The following AKT3 variants were observed in gnomAD, a reference collection of about 807,000 sequenced individuals.
AKT3 encodes RAC-gamma serine/threonine-protein kinase.
In AKT3, 15 loss-of-function variants were observed where a neutral mutation model predicts 65.3. The ratio of observed to expected loss-of-function variants is 0.23; its 90% CI spans 0.15 to 0.35. The LOEUF is 0.35. Among genes scored for constraint, AKT3 ranks in the 10% least tolerant of loss-of-function variants. The pLI is 1.00. For missense variants in AKT3, 243 were observed against 576.5 expected, an observed-to-expected ratio of 0.42 and a Z score of 5.92; for synonymous variants, 206 against 183.8, an observed-to-expected ratio of 1.12 and a Z score of -0.98.
chr1:243,622,800 G>T (rs1678861244), intron 6 of AKT3, among the ~76,000 whole-genome samples: 1 of 152,188 alleles, frequency 6.6e-6, no homozygotes, highest in South Asian at 2.1e-4. Context: ...TAATACAGAG[G>T]TTCAAAAGAA....
intron 11 of AKT3, among the ~76,000 whole-genome samples, chr1:243,546,154 C>G (rs552129758): frequency 6.6e-6 from 1 of 152,188 alleles, no homozygotes; most frequent in Non-Finnish European, 1.5e-5. Context: ...GATTCCCCTG[C>G]ACATGCCCTT....
intron 9 of AKT3, 49 bp downstream of exon 9, chr1:243,572,877 C>G (rs1674666495): frequency 6.5e-7 from 1 of 1,546,524 alleles, no homozygotes; most frequent in African/African-American, 1.4e-5. Context: ...ATGTTTGTCC[C>G]TATAGTCTCT....
intron 8 of AKT3, among the ~76,000 whole-genome samples, chr1:243,595,537 T>C (rs1320838873): frequency 6.6e-6 from 1 of 152,246 alleles, no homozygotes; most frequent in Non-Finnish European, 1.5e-5. Flanking sequence ...TATAACAGTT[T>C]AAAATATGAA....
chr1:243,565,563 T>C (rs751305419), intron 9 of AKT3, among the ~76,000 whole-genome samples: 19 of 152,154 alleles, frequency 1.2e-4, no homozygotes, highest in Non-Finnish European at 1.9e-4. Flanking sequence ...TCAGTTATCT[T>C]GTATATTCCT....
intron 2 of AKT3, among the ~76,000 whole-genome samples, chr1:243,821,983 T>C (rs1416190781): frequency 6.6e-6 from 1 of 152,212 alleles, no homozygotes; most frequent in Non-Finnish European, 1.5e-5. Context: ...TATACATTCT[T>C]CTTGGTGCCA....
At chr1:243,596,277 C>T (rs1024032304) in intron 8 of AKT3, among the ~76,000 whole-genome samples, 6 of 152,082 alleles carry the variant, frequency 3.9e-5, no homozygotes, top group African/African-American at 1.2e-4. Flanking sequence ...ACGTCTGTTC[C>T]TCAAAAGACA....
At chr1:243,660,289 T>G (rs1354951235) in intron 4 of AKT3, among the ~76,000 whole-genome samples, 2 of 152,216 alleles carry the variant, frequency 1.3e-5, no homozygotes, top group Admixed American at 6.5e-5. Context: ...TAGTATTCTC[T>G]GAGGGTAGTT....
downstream of AKT3, among the ~76,000 whole-genome samples, chr1:243,494,925 G>A (rs1485443280): frequency 6.6e-6 from 1 of 152,206 alleles, no homozygotes; most frequent in African/African-American, 2.4e-5. Context: ...TGTCAGTGTT[G>A]TCTTTATTTT....
At chr1:243,807,847 C>G (rs962261174) in intron 2 of AKT3, among the ~76,000 whole-genome samples, 2 of 152,156 alleles carry the variant, frequency 1.3e-5, no homozygotes, top group Non-Finnish European at 2.9e-5. Flanking sequence ...TCCAGAGGAA[C>G]AATCAGGCAG....
intron 8 of AKT3, among the ~76,000 whole-genome samples, chr1:243,603,988 C>G (rs1440989618): frequency 1.3e-5 from 2 of 151,666 alleles, no homozygotes; most frequent in East Asian, 3.9e-4. Context: ...CTCCACCTCC[C>G]AGGTTCAAGC....
intron 8 of AKT3, among the ~76,000 whole-genome samples, chr1:243,609,477 G>A (rs1677703706): frequency 6.6e-6 from 1 of 151,948 alleles, no homozygotes; most frequent in African/African-American, 2.4e-5. Context: ...GGCCAACATG[G>A]CCAAACCCCG....
chr1:243,655,331 ATT>A (rs899562304), intron 4 of AKT3, among the ~76,000 whole-genome samples: 1 of 152,072 alleles, frequency 6.6e-6, no homozygotes, highest in African/African-American at 2.4e-5. Flanking sequence ...GCTATTATCC[ATT>A]TGTTTCTTTT....
At chr1:243,606,755 T>G (rs1322485015) in intron 8 of AKT3, among the ~76,000 whole-genome samples, 1 of 152,106 alleles carries the variant, frequency 6.6e-6, no homozygotes. Flanking sequence ...CAGCAGCCCC[T>G]CCCATCATAG....
At chr1:243,597,160 G>T (rs1278249654) in intron 8 of AKT3, among the ~76,000 whole-genome samples, 1 of 152,020 alleles carries the variant, frequency 6.6e-6, no homozygotes, top group Non-Finnish European at 1.5e-5. Context: ...ATATATGTTT[G>T]TCAGAAGTCA....
At chr1:243,810,457 TC>T (rs199783368) in intron 2 of AKT3, among the ~76,000 whole-genome samples, 3,313 of 151,682 alleles carry the variant, frequency 0.022, 114 homozygotes, top group African/African-American at 0.076. Flanking sequence ...ACACATACAC[TC>T]CCCCAAGACT....
At chr1:243,519,359 T>A (rs1670569260) in intron 12 of AKT3, among the ~76,000 whole-genome samples, 2 of 152,326 alleles carry the variant, frequency 1.3e-5, no homozygotes, top group Admixed American at 1.3e-4. Flanking sequence ...ATAAAGATCC[T>A]GAAGCATTTC....
chr1:243,526,814 A>AAAAAAAT (rs1671134076), intron 12 of AKT3, among the ~76,000 whole-genome samples: 1 of 144,938 alleles, frequency 6.9e-6, no homozygotes, highest in Non-Finnish European at 1.5e-5. Context: ...AAAAAAAAAA[A>AAAAAAAT]ATTTAGACTG....
intron 12 of AKT3, among the ~76,000 whole-genome samples, chr1:243,542,830 A>G (rs180865603): frequency 1.3e-4 from 20 of 152,292 alleles, no homozygotes; most frequent in Admixed American, 1.3e-3. Flanking sequence ...AAAGAAACTC[A>G]AATTTAAAAG....
At chr1:243,649,642 T>C (rs559910600) in intron 4 of AKT3, among the ~76,000 whole-genome samples, 3 of 152,044 alleles carry the variant, frequency 2.0e-5, no homozygotes, top group African/African-American at 7.2e-5. Flanking sequence ...CAACTCCCAC[T>C]TATGAATGAG....
Sources: allele counts gnomAD v4.1 joint callset (sites outside exome capture counted in the v4.1 genomes callset), GRCh38; gene constraint gnomAD v4.1.1; transcripts MANE v1.5; gene names NCBI Gene and HGNC (gene_info 2026-07-23, HGNC 2026-07-21).